Variants in NKAIN3 observed in about 807,000 individuals in gnomAD.
The protein encoded by NKAIN3 is sodium/potassium transporting ATPase interacting 3, also known as sodium/potassium-transporting ATPase subunit beta-1-interacting protein 3.
NKAIN3 carries 25 observed loss-of-function variants against 30.2 expected under a neutral mutation model. That is an observed-to-expected ratio of 0.83 (90% CI 0.60 to 1.16). The LOEUF (loss-of-function observed/expected upper bound fraction) is 1.16. Ranked by LOEUF, NKAIN3 falls within the 50% of genes most tolerant of loss-of-function variation. NKAIN3 has a pLI of 0.00. For missense variants in NKAIN3, 225 were observed against 254.1 expected, an observed-to-expected ratio of 0.89 and a Z score of 0.78; for synonymous variants, 91 against 89.6, an observed-to-expected ratio of 1.02 and a Z score of -0.09.
At chr8:62,934,652 A>G (rs1166343593) in intron 5 of NKAIN3, among the ~76,000 whole-genome samples, 1 of 152,136 alleles carries the variant, frequency 6.6e-6, no homozygotes, top group Non-Finnish European at 1.5e-5. Flanking sequence ...ACAGTCCAGG[A>G]GATCCTCACA....
chr8:62,728,840 A>G (rs1182203845), intron 3 of NKAIN3, among the ~76,000 whole-genome samples: 1 of 150,234 alleles, frequency 6.7e-6, no homozygotes, highest in African/African-American at 2.5e-5. Context: ...AATAGAAAAA[A>G]TTAGCCAGGC....
intron 1 of NKAIN3, among the ~76,000 whole-genome samples, chr8:62,565,778 C>G (rs141332803): frequency 6.6e-6 from 1 of 152,164 alleles, no homozygotes; most frequent in African/African-American, 2.4e-5. Context: ...TACACTGAAC[C>G]GAACCTACTG....
intron 1 of NKAIN3, among the ~76,000 whole-genome samples, chr8:62,539,166 CT>C (rs1215874766): frequency 6.6e-6 from 1 of 152,186 alleles, no homozygotes; most frequent in East Asian, 1.9e-4. Context: ...CTGGAACTAT[CT>C]GAAATGATAT....
chr8:62,633,788 G>A (rs1007060997), intron 3 of NKAIN3, among the ~76,000 whole-genome samples: 3 of 152,106 alleles, frequency 2.0e-5, no homozygotes, highest in African/African-American at 7.2e-5. Flanking sequence ...AAACCCCTGA[G>A]GCCTTTGCTT....
intron 3 of NKAIN3, among the ~76,000 whole-genome samples, chr8:62,655,363 G>T (rs1194796384): frequency 6.6e-6 from 1 of 152,090 alleles, no homozygotes; most frequent in African/African-American, 2.4e-5. Flanking sequence ...GATATAATTC[G>T]ATTTTAATTT....
chr8:62,709,649 T>C (rs1361863318), intron 3 of NKAIN3, among the ~76,000 whole-genome samples: 1 of 152,172 alleles, frequency 6.6e-6, no homozygotes, highest in Non-Finnish European at 1.5e-5. Flanking sequence ...CTCTCAATTT[T>C]ATTTATCCTT....
At chr8:62,401,639 T>G (rs1028892558) in intron 1 of NKAIN3, among the ~76,000 whole-genome samples, 1 of 152,162 alleles carries the variant, frequency 6.6e-6, no homozygotes, top group Non-Finnish European at 1.5e-5. Flanking sequence ...CATATCTGCA[T>G]TAGGAGGAAC....
At chr8:62,487,154 G>T (rs1237672928) in intron 1 of NKAIN3, among the ~76,000 whole-genome samples, 1 of 152,154 alleles carries the variant, frequency 6.6e-6, no homozygotes, top group Non-Finnish European at 1.5e-5. Context: ...TTTTCTCAGG[G>T]CATTGAGGAC....
chr8:62,935,040 C>A (rs1331973471), intron 5 of NKAIN3, among the ~76,000 whole-genome samples: 1 of 152,110 alleles, frequency 6.6e-6, no homozygotes, highest in Non-Finnish European at 1.5e-5. Context: ...GACCTTTATG[C>A]AGACAAGCTT....
chr8:62,939,216 A>G (rs1822877430), intron 5 of NKAIN3, among the ~76,000 whole-genome samples: 1 of 152,202 alleles, frequency 6.6e-6, no homozygotes, highest in African/African-American at 2.4e-5. Context: ...GAAAAAAATC[A>G]GAAAAAAATG....
chr8:62,594,139 A>T (rs77076134), intron 3 of NKAIN3, among the ~76,000 whole-genome samples: 2 of 151,960 alleles, frequency 1.3e-5, no homozygotes, highest in African/African-American at 2.4e-5. Context: ...GGACTTCAAA[A>T]AAAAGGTCAG....
intron 4 of NKAIN3, among the ~76,000 whole-genome samples, chr8:62,844,333 C>T (rs1418606916): frequency 2.0e-5 from 3 of 152,130 alleles, no homozygotes; most frequent in Admixed American, 1.3e-4. Flanking sequence ...AAAGTATCCA[C>T]AGAATAAAAT....
At position 62,918,268 on chromosome 8, in the gene NKAIN3, G is replaced by T. The variant is rs374041052; in HGVS notation, c.472-185G>T. Among the ~76,000 whole-genome samples, 8 of 152,150 alleles carry T rather than the reference G, an allele frequency of 5.3e-5. No individual in the cohort carries two copies. The South Asian group carries it at 1.7e-3, about 31-fold the overall frequency. The stretch of plus-strand genomic sequence containing the variant: ...CCCATTTCTGTGTACTTTTTAGAAA[G>T]CTATTAAGGCTGCATAGAAATGAAA... On this transcript the variant is annotated intron_variant, in intron 4 of 6. Transcript: ENST00000623646.
At chr8:62,319,170 A>G (rs1195244385) in intron 1 of NKAIN3, among the ~76,000 whole-genome samples, 1 of 152,092 alleles carries the variant, frequency 6.6e-6, no homozygotes, top group South Asian at 2.1e-4. Flanking sequence ...CTGTGGGATC[A>G]GTGGTGATAT....
chr8:62,870,276 A>ATAGATATC (rs1820580392), intron 4 of NKAIN3, among the ~76,000 whole-genome samples: 6 of 103,080 alleles, frequency 5.8e-5, no homozygotes, highest in African/African-American at 1.2e-4. Context: ...ATATAGATAT[A>ATAGATATC]TATAAATATC....
At chr8:62,417,687 C>T (rs1238744173) in intron 1 of NKAIN3, among the ~76,000 whole-genome samples, 1 of 152,118 alleles carries the variant, frequency 6.6e-6, no homozygotes. Context: ...GATGATATCT[C>T]ATTGTAGTTT....
chr8:62,987,106 G>A (rs186977498), downstream of NKAIN3, among the ~76,000 whole-genome samples: 2 of 152,192 alleles, frequency 1.3e-5, no homozygotes, highest in Admixed American at 1.3e-4. Context: ...ATAATTATTG[G>A]CTGCGTGTGG....
chr8:62,899,845 C>T (rs1821548978), intron 4 of NKAIN3, among the ~76,000 whole-genome samples: 1 of 152,060 alleles, frequency 6.6e-6, no homozygotes, highest in Non-Finnish European at 1.5e-5. Context: ...CAAAACATCT[C>T]ATGTACCCCA....
At chr8:62,279,124 A>C (rs1813079508) in intron 1 of NKAIN3, among the ~76,000 whole-genome samples, 1 of 152,156 alleles carries the variant, frequency 6.6e-6, no homozygotes, top group Non-Finnish European at 1.5e-5. Context: ...TTCTCTTATG[A>C]CCAGTGATGA....
Sources: gnomAD v4.1 joint callset for allele counts (sites outside exome capture counted in the v4.1 genomes callset) on GRCh38, gnomAD v4.1.1 for gene constraint, MANE v1.5 for transcripts, NCBI Gene and HGNC (gene_info 2026-07-23, HGNC 2026-07-21) for gene names.